CCDC57: variants seen among roughly 807,000 people sequenced by gnomAD.
The protein encoded by CCDC57 is coiled-coil domain containing 57.
CCDC57 carries 118 observed loss-of-function variants against 118.9 expected under a neutral mutation model. That is an observed-to-expected ratio of 0.99 (90% CI 0.86 to 1.16). CCDC57 has a LOEUF of 1.16. Among genes scored for constraint, CCDC57 ranks in the 50% most tolerant of loss-of-function variants. The pLI is 0.00. For synonymous variants in CCDC57, 527 were observed against 532.9 expected (o/e 0.99, Z 0.15); for missense variants, 1,300 against 1,320.7 (o/e 0.98, Z 0.24).
chr17:82,171,725 C>T lies in CCDC57; in HGVS notation c.1858G>A (p.Val620Ile), dbSNP rs200938354. 8.9e-4 allele frequency: 1,428 copies of T among 1,613,026 alleles called. 1 individual carries two copies. Among genetic ancestry groups the T allele is most frequent in the Non-Finnish European group, 1.1e-3 (1,345 of 1,179,076 alleles). The change falls in exon 13 of 20, where the codon GTC (valine) becomes ATC (isoleucine). Residue 620 changes from valine (V) to isoleucine (I), a missense_variant. By Grantham distance (29) the Val-to-Ile change is conservative (BLOSUM62 3). Transcript: ENST00000665763. ...CCAGTCGTCTCTGTCGAGGTGCGGA[C>T]GCTGGGCTGAGACTCAGCATGAGGT...
intron 1 of CCDC57, among the ~76,000 whole-genome samples, chr17:82,210,960 C>T (rs1206844652): frequency 2.1e-5 from 3 of 141,528 alleles, no homozygotes; most frequent in Non-Finnish European, 4.5e-5. Flanking sequence ...CGCCACTGAA[C>T]TCCAGCCTGG....
intron 14 of CCDC57, among the ~76,000 whole-genome samples, chr17:82,159,210 G>A (rs2043025854): frequency 6.6e-6 from 1 of 151,954 alleles, no homozygotes; most frequent in Admixed American, 6.6e-5. Flanking sequence ...TGTTGCCCAG[G>A]CTGGTCTCAA....
intron 16 of CCDC57, among the ~76,000 whole-genome samples, chr17:82,151,060 C>T (rs1248067070): frequency 8.4e-6 from 1 of 119,084 alleles, no homozygotes; most frequent in Admixed American, 9.0e-5. Context: ...CTGACCCGCA[C>T]CCAGAACCAG....
At chr17:82,197,578 A>T (rs1445138850) in intron 4 of CCDC57, among the ~76,000 whole-genome samples, 1 of 152,228 alleles carries the variant, frequency 6.6e-6, no homozygotes, top group Non-Finnish European at 1.5e-5. Context: ...CCTTTCTAAA[A>T]ATAAATTTAA....
chr17:82,201,931 C>A (rs750337632), exon 3 of CCDC57: 1 of 1,594,482 alleles, frequency 6.3e-7, no homozygotes, highest in African/African-American at 1.3e-5. Context: ...GGGCTCTGAG[C>A]CCAGTGGCAG....
chr17:82,116,010 G>C (rs1487399117), intron 19 of CCDC57, among the ~76,000 whole-genome samples: 1 of 150,478 alleles, frequency 6.6e-6, no homozygotes, highest in Non-Finnish European at 1.5e-5. Flanking sequence ...TCTTGGCCAG[G>C]CTGGTCTTGA....
chr17:82,145,026 C>CTTTTTTTTTTTTTTTTTT (rs63184860), intron 16 of CCDC57, among the ~76,000 whole-genome samples: 3 of 120,264 alleles, frequency 2.5e-5, no homozygotes, highest in Non-Finnish European at 3.4e-5. Flanking sequence ...TTTTTTTTTT[C>CTTTTTTTTTTTTTTTTTT]TTTTTTTTTT....
Position 82,188,347 on chromosome 17 carries a change from C to T in CCDC57, c.924G>A (p.Glu308=), listed in dbSNP as rs775367908. Residue 308 remains glutamate, a synonymous_variant, in exon 8 of 20, where the codon GAG becomes GAA. Coordinates refer to ENST00000665763, the Ensembl canonical transcript of CCDC57. ...CCCTGGTCTGCAGCTCCTGCAGCTG[C>T]TCCACGTGGGCTCCCTTCACCGCCA... 7 of 1,610,534 alleles carry T rather than the reference C, an allele frequency of 4.3e-6. No homozygotes were observed. The Admixed American group carries it at 1.2e-4, about 27-fold the overall frequency.
At chr17:82,201,793 C>T (rs373081485) in exon 3 of CCDC57, 10 of 1,613,636 alleles carry the variant, frequency 6.2e-6, no homozygotes, top group East Asian at 4.5e-5. Flanking sequence ...CTGCAGGCAC[C>T]GCAGTTTCCC....
In CCDC57 at chr17:82,151,222, C is replaced by T. The variant is rs1282062199; in HGVS notation, c.2455+338G>A. ...GCGCACATCCAGAACCTGACCCACA[C>T]CCAGAACCTGGCACACACCCAGAAC... On this transcript the variant is annotated intron_variant, in intron 16 of 19. Coordinates refer to ENST00000665763, the Ensembl canonical transcript of CCDC57. 3.2e-4 allele frequency among the ~76,000 whole-genome samples: 44 copies of T among 138,652 alleles called. 1 individual carries two copies. The highest frequency in any genetic ancestry group is 5.0e-4 in the Non-Finnish European group (32 of 63,722). The allele number at this position is 138,652 out of a possible 152,430, so 91.0% of individuals were successfully genotyped here. A position where few individuals can be genotyped will look rare whatever the true frequency, so the allele number is the denominator to read the frequency against.
intron 11 of CCDC57, among the ~76,000 whole-genome samples, chr17:82,173,952 G>A (rs1313901974): frequency 6.6e-5 from 10 of 152,200 alleles, no homozygotes; most frequent in African/African-American, 2.4e-4. Flanking sequence ...GTCTTTCCCT[G>A]CGGCTGTGAA....
chr17:82,163,135 G>A, intron 14 of CCDC57, 65 bp downstream of exon 13: 1 of 1,577,826 alleles, frequency 6.3e-7, no homozygotes, highest in Non-Finnish European at 8.6e-7. Flanking sequence ...GCCGCTCAGA[G>A]CCCACGCGCT....
At chr17:82,168,041 A>C (rs1212800146) in intron 13 of CCDC57, among the ~76,000 whole-genome samples, 1 of 152,194 alleles carries the variant, frequency 6.6e-6, no homozygotes, top group Non-Finnish European at 1.5e-5. Flanking sequence ...TACCTCCTTT[A>C]TCAGTTCTTT....
exon 13 of CCDC57, chr17:82,171,820 G>C (rs1476177936): frequency 1.2e-6 from 2 of 1,613,774 alleles, no homozygotes; most frequent in Admixed American, 1.7e-5. Context: ...ATGCTTTAGA[G>C]TTCGTATTTC....
At chr17:82,128,408 C>A in intron 18 of CCDC57, 85 bp downstream of exon 17, 1 of 908,040 alleles carries the variant, frequency 1.1e-6, no homozygotes, top group South Asian at 1.6e-5. Flanking sequence ...AAGGCCCCTC[C>A]GAGAGGCCCA....
At chr17:82,188,260 T>G (rs2047223705) in exon 8 of CCDC57, 3 of 1,567,624 alleles carry the variant, frequency 1.9e-6, no homozygotes, top group Non-Finnish European at 2.6e-6. Flanking sequence ...TGTCAGCCTG[T>G]CTCCACTCTG....
intron 16 of CCDC57, among the ~76,000 whole-genome samples, chr17:82,139,640 G>A (rs551600714): frequency 4.7e-5 from 7 of 148,372 alleles, no homozygotes; most frequent in East Asian, 2.2e-4. Context: ...ACAGGCGTAA[G>A]CCACCACGCC....
chr17:82,134,698 G>A (rs1201213024), intron 16 of CCDC57, among the ~76,000 whole-genome samples: 1 of 152,106 alleles, frequency 6.6e-6, no homozygotes, highest in Admixed American at 6.6e-5. Context: ...GGAGGCTGAG[G>A]CAGAAGAATT....
At chr17:82,144,707 G>A (rs1239043317) in intron 16 of CCDC57, among the ~76,000 whole-genome samples, 5 of 152,168 alleles carry the variant, frequency 3.3e-5, no homozygotes, top group South Asian at 4.1e-4. Context: ...AAATACGTAC[G>A]TGTCATTTAA....
Sources: allele counts gnomAD v4.1 joint callset (sites outside exome capture counted in the v4.1 genomes callset), GRCh38; gene constraint gnomAD v4.1.1; transcripts MANE v1.5; gene names NCBI Gene and HGNC (gene_info 2026-07-23, HGNC 2026-07-21).